The following USP45 variants were observed in gnomAD, a reference collection of about 807,000 sequenced individuals.
USP45 encodes ubiquitin specific peptidase 45, also known as ubiquitin carboxyl-terminal hydrolase 45.
A neutral mutation model predicts 95.8 loss-of-function variants in USP45; 89 were observed. The observed-to-expected ratio is 0.93, with a 90% CI of 0.78 to 1.11. The LOEUF is 1.11. Ranked by LOEUF, USP45 falls within the 50% of genes least tolerant of loss-of-function variation. The probability of loss-of-function intolerance (pLI) is 0.00; values close to 1 mark genes in which losing one functional copy is unlikely to be tolerated. For missense variants in USP45, 898 were observed against 942.5 expected (o/e 0.95, Z 0.62); for synonymous variants, 281 against 316.2 (o/e 0.89, Z 1.18).
At chr6:99,511,443 G>A (rs1429735100) in intron 1 of USP45, among the ~76,000 whole-genome samples, 2 of 151,786 alleles carry the variant, frequency 1.3e-5, no homozygotes, top group Admixed American at 6.6e-5. Flanking sequence ...GTGAGCCACC[G>A]TGCCCGGCTA....
intron 4 of USP45, among the ~76,000 whole-genome samples, chr6:99,506,472 C>A (rs1798550345): frequency 6.6e-6 from 1 of 152,144 alleles, no homozygotes; most frequent in South Asian, 2.1e-4. Flanking sequence ...CCATGCCCAG[C>A]TAATTTTTGT....
intron 13 of USP45, chr6:99,460,767 AC>A (rs1435200470): frequency 4.1e-6 from 4 of 984,222 alleles, no homozygotes; most frequent in African/African-American, 1.7e-5. Context: ...TCTGAATATA[AC>A]CCCAATGATG....
intron 3 of USP45, among the ~76,000 whole-genome samples, chr6:99,508,175 A>G (rs1394059384): frequency 3.0e-5 from 4 of 132,352 alleles, no homozygotes; most frequent in Admixed American, 1.6e-4. Flanking sequence ...TATTTTTTTA[A>G]AAAAGTATAT....
intron 13 of USP45, 73 bp from the exon 14 acceptor site, chr6:99,446,536 A>G: frequency 1.5e-6 from 2 of 1,325,076 alleles, no homozygotes; most frequent in Non-Finnish European, 2.0e-6. Flanking sequence ...TAATTCTTAA[A>G]CATATCATAG....
intron 5 of USP45, among the ~76,000 whole-genome samples, chr6:99,496,362 T>C (rs1380913946): frequency 1.3e-5 from 2 of 151,844 alleles, no homozygotes; most frequent in African/African-American, 2.4e-5. Flanking sequence ...TATACTCAGA[T>C]GGAGTTTCAG....
chr6:99,456,710 G>A (rs1457215757), intron 13 of USP45, among the ~76,000 whole-genome samples: 1 of 152,148 alleles, frequency 6.6e-6, no homozygotes, highest in Non-Finnish European at 1.5e-5. Context: ...AGGACCATGT[G>A]ATAATTGCGT....
chr6:99,489,848 G>T (rs1328465495), intron 5 of USP45, among the ~76,000 whole-genome samples: 1 of 152,104 alleles, frequency 6.6e-6, no homozygotes. Context: ...CTACTCAGGA[G>T]GTTGAGGCAT....
chr6:99,480,818 A>G (rs12211254), intron 8 of USP45, among the ~76,000 whole-genome samples: 22,345 of 152,202 alleles, frequency 0.15, 2,368 homozygotes, highest in Non-Finnish European at 0.21. Context: ...ATGAAACAGA[A>G]TATAGTTCAG....
chr6:99,491,163 T>TAGAGCTTGGGGGC (rs1448860139), intron 5 of USP45, among the ~76,000 whole-genome samples: 1 of 152,084 alleles, frequency 6.6e-6, no homozygotes, highest in African/African-American at 2.4e-5. Flanking sequence ...AACCCCACAC[T>TAGAGCTTGGGGGC]AGAGCTTGGG....
intron 5 of USP45, 127 bp from the exon 6 acceptor site, chr6:99,488,947 G>T: frequency 1.4e-6 from 1 of 707,040 alleles, no homozygotes; most frequent in Non-Finnish European, 2.0e-6. Flanking sequence ...GTTCCTGAAG[G>T]GGAAGAATAT....
At chr6:99,502,267 C>T (rs1797548227) in intron 5 of USP45, among the ~76,000 whole-genome samples, 1 of 152,138 alleles carries the variant, frequency 6.6e-6, no homozygotes, top group Non-Finnish European at 1.5e-5. Flanking sequence ...CATTTGGGAC[C>T]CTCCCCAGAC....
At chr6:99,466,853 C>T in intron 10 of USP45, 90 bp from the exon 11 acceptor site, 1 of 872,356 alleles carries the variant, frequency 1.1e-6, no homozygotes, top group Admixed American at 2.1e-5. Flanking sequence ...CAAAAGTAAT[C>T]TGAATAAGAT....
chr6:99,478,386 C>T (rs1020431412), intron 8 of USP45, among the ~76,000 whole-genome samples: 1 of 151,948 alleles, frequency 6.6e-6, no homozygotes, highest in African/African-American at 2.4e-5. Flanking sequence ...TGAAAATATT[C>T]AGCCTATTCA....
At chr6:99,516,768 C>T (rs1801140733), upstream of USP45, among the ~76,000 whole-genome samples, 1 of 152,002 alleles carries the variant, frequency 6.6e-6, no homozygotes, top group African/African-American at 2.4e-5. Context: ...TTGGATTTGA[C>T]CTAGAACTTG....
intron 8 of USP45, among the ~76,000 whole-genome samples, chr6:99,479,745 T>C (rs1311288163): frequency 6.6e-6 from 1 of 152,194 alleles, no homozygotes; most frequent in Non-Finnish European, 1.5e-5. Flanking sequence ...ATGAAAACTC[T>C]ATAGTTATTA....
At chr6:99,494,167 T>C (rs1795801570) in intron 5 of USP45, among the ~76,000 whole-genome samples, 1 of 151,874 alleles carries the variant, frequency 6.6e-6, no homozygotes, top group African/African-American at 2.4e-5. Flanking sequence ...AAGGGATTTA[T>C]CTCACCTTGG....
intron 5 of USP45, among the ~76,000 whole-genome samples, chr6:99,495,795 T>C (rs1796163238): frequency 6.6e-6 from 1 of 152,206 alleles, no homozygotes; most frequent in Non-Finnish European, 1.5e-5. Flanking sequence ...AGTCATAGTT[T>C]GTAGCAGTCC....
In USP45 at chr6:99,476,329, C is replaced by T. The variant is rs1790855752; in HGVS notation, c.846-99G>A. 7 of 1,185,728 alleles carry T rather than the reference C, an allele frequency of 5.9e-6. No individual in the cohort carries two copies. In the South Asian group the frequency reaches 9.2e-5, roughly 16 times the overall value. 73.5% of individuals were successfully genotyped at this position (1,185,728 alleles called of 1,614,324 possible). A position where few individuals can be genotyped will look rare whatever the true frequency, so the allele number is the denominator to read the frequency against. ...TGCACTTGAAATAGCATATTATTAGCTGGGTGCGGCAGCCTACGCCTGTAA... is the reference window on the plus strand; with the variant it reads ...TGCACTTGAAATAGCATATTATTAGTTGGGTGCGGCAGCCTACGCCTGTAA... On this transcript the variant is annotated intron_variant, in intron 8 of 17. Coordinates refer to ENST00000500704, the MANE Select transcript of USP45 (RefSeq NM_001346022.3).
At chr6:99,484,004 G>GCTTTTTTTT (rs1554246518) in intron 7 of USP45, among the ~76,000 whole-genome samples, 29 of 91,460 alleles carry the variant, frequency 3.2e-4, no homozygotes, top group Middle Eastern at 0.014. Context: ...ATTTTCCATA[G>GCTTTTTTTT]TTTTTTTTTT....
Sources: gnomAD v4.1 joint callset for allele counts (sites outside exome capture counted in the v4.1 genomes callset) on GRCh38, gnomAD v4.1.1 for gene constraint, MANE v1.5 for transcripts, NCBI Gene and HGNC (gene_info 2026-07-23, HGNC 2026-07-21) for gene names.